Variants in DPP10 observed in about 807,000 individuals in gnomAD.
DPP10 encodes dipeptidyl peptidase like 10.
A neutral mutation model predicts 120.9 loss-of-function variants in DPP10; 33 were observed. The observed-to-expected ratio is 0.27, with a 90% confidence interval of 0.21 to 0.37. The LOEUF (loss-of-function observed/expected upper bound fraction) is 0.37. DPP10 is among the 10% of genes least tolerant of loss of function. The pLI, the probability that DPP10 is intolerant of heterozygous loss-of-function variation, is 1.00. For synonymous variants in DPP10, 337 were observed against 326.1 expected, an observed-to-expected ratio of 1.03 and a Z score of -0.36; for missense variants, 816 against 942.8, an observed-to-expected ratio of 0.87 and a Z score of 1.76.
intron 1 of DPP10, among the ~76,000 whole-genome samples, chr2:114,473,808 C>T (rs527572653): frequency 6.6e-6 from 1 of 152,186 alleles, no homozygotes; most frequent in South Asian, 2.1e-4. Context: ...GTAATGTAAA[C>T]ACTGACATTT....
At chr2:115,834,184 T>A (rs989196642) in intron 21 of DPP10, among the ~76,000 whole-genome samples, 3 of 152,206 alleles carry the variant, frequency 2.0e-5, no homozygotes, top group African/African-American at 7.2e-5. Context: ...CATTCAGTAA[T>A]GAATGACTGC....
chr2:114,836,288 C>A (rs1483528515), intron 1 of DPP10, among the ~76,000 whole-genome samples: 1 of 152,118 alleles, frequency 6.6e-6, no homozygotes. Context: ...AGATATCGGG[C>A]AAAATTCACC....
intron 1 of DPP10, among the ~76,000 whole-genome samples, chr2:115,199,760 T>C (rs2105286818): frequency 6.6e-6 from 1 of 152,322 alleles, no homozygotes; most frequent in South Asian, 2.1e-4. Flanking sequence ...GTATTATGAT[T>C]TGCTTTTTCT....
intron 5 of DPP10, among the ~76,000 whole-genome samples, chr2:115,567,587 T>G (rs949911413): frequency 1.3e-5 from 2 of 151,960 alleles, no homozygotes; most frequent in African/African-American, 4.8e-5. Flanking sequence ...AATAGGCAAG[T>G]GTACTCAACC....
chr2:114,522,252 G>A (rs1685132822), intron 1 of DPP10, among the ~76,000 whole-genome samples: 2 of 151,988 alleles, frequency 1.3e-5, no homozygotes, highest in Middle Eastern at 6.8e-3. Context: ...CCAAAGTGCT[G>A]GGATTACAGG....
chr2:115,554,334 A>G (rs2080076144), intron 5 of DPP10, among the ~76,000 whole-genome samples: 1 of 151,804 alleles, frequency 6.6e-6, no homozygotes, highest in South Asian at 2.1e-4. Context: ...TTTTAGTTCC[A>G]TTGTCACTGT....
intron 1 of DPP10, among the ~76,000 whole-genome samples, chr2:115,259,364 A>T (rs2059147266): frequency 6.6e-6 from 1 of 152,058 alleles, no homozygotes; most frequent in African/African-American, 2.4e-5. Context: ...CATGCCCGTA[A>T]TCCCAGCTAC....
chr2:115,700,082 G>A (rs1380764273), intron 7 of DPP10, among the ~76,000 whole-genome samples: 1 of 152,150 alleles, frequency 6.6e-6, no homozygotes, highest in Non-Finnish European at 1.5e-5. Flanking sequence ...CTAGAGCAGA[G>A]GAAGGGGGTG....
intron 1 of DPP10, among the ~76,000 whole-genome samples, chr2:114,854,238 G>C (rs886426967): frequency 1.3e-5 from 2 of 152,232 alleles, no homozygotes; most frequent in Admixed American, 6.5e-5. Flanking sequence ...TATTTGTAAA[G>C]CATTAGAAAA....
chr2:114,527,198 C>A (rs2104704107), intron 1 of DPP10, among the ~76,000 whole-genome samples: 1 of 152,240 alleles, frequency 6.6e-6, no homozygotes, highest in South Asian at 2.1e-4. Context: ...TTGTGACTAG[C>A]TTTGTGTTAA....
At position 114,460,151 on chromosome 2, in the gene DPP10, C is replaced by T. The variant is rs373095423; in HGVS notation, c.60+17313C>T. On this transcript the variant is annotated intron_variant, in intron 1 of 25. Transcript: ENST00000410059. Reference sequence around the variant, plus strand: ...CTTTCTGAAAATCATTCCATAGCAACCGAATGCATTTGGGATGATATCTAT... The same window carrying T: ...CTTTCTGAAAATCATTCCATAGCAATCGAATGCATTTGGGATGATATCTAT... Among the ~76,000 whole-genome samples, 5 of 151,444 alleles carry T rather than the reference C, an allele frequency of 3.3e-5. No homozygotes were observed. In the East Asian group the frequency reaches 9.7e-4, roughly 29 times the overall value.
At chr2:115,090,870 T>A (rs915064910) in intron 1 of DPP10, among the ~76,000 whole-genome samples, 4 of 152,130 alleles carry the variant, frequency 2.6e-5, no homozygotes, top group African/African-American at 7.2e-5. Flanking sequence ...AGGGCTGGCA[T>A]GTCTCTGGTC....
chr2:114,741,013 GA>G (rs756398643), intron 1 of DPP10, among the ~76,000 whole-genome samples: 52 of 152,148 alleles, frequency 3.4e-4, no homozygotes, highest in African/African-American at 1.1e-3. Flanking sequence ...GGGATATGTG[GA>G]TAACAGGTAC....
intron 1 of DPP10, among the ~76,000 whole-genome samples, chr2:114,740,692 C>G (rs2105985173): frequency 6.6e-6 from 1 of 152,158 alleles, no homozygotes; most frequent in East Asian, 1.9e-4. Flanking sequence ...TGCCTGCAAC[C>G]AACTAACCAG....
chr2:115,379,133 G>A (rs1221693460), intron 3 of DPP10, among the ~76,000 whole-genome samples: 2 of 152,186 alleles, frequency 1.3e-5, no homozygotes, highest in South Asian at 2.1e-4. Context: ...AATGGTACCA[G>A]TTCCTCCTTG....
At chr2:115,220,308 G>C (rs1456964937) in intron 1 of DPP10, among the ~76,000 whole-genome samples, 1 of 152,152 alleles carries the variant, frequency 6.6e-6, no homozygotes, top group Non-Finnish European at 1.5e-5. Context: ...GTCTTTATGA[G>C]TCAGTGTGAA....
intron 5 of DPP10, among the ~76,000 whole-genome samples, chr2:115,661,733 C>T (rs1355716920): frequency 6.6e-6 from 1 of 152,050 alleles, no homozygotes; most frequent in Non-Finnish European, 1.5e-5. Flanking sequence ...TTTTATTGTG[C>T]TATAATTGAC....
chr2:115,828,169 A>G (rs1373706237), intron 21 of DPP10, among the ~76,000 whole-genome samples: 2 of 151,798 alleles, frequency 1.3e-5, no homozygotes, highest in Non-Finnish European at 2.9e-5. Flanking sequence ...TTAGGTTGAC[A>G]TTTCTTATTC....
chr2:115,349,991 A>G (rs1011580304), intron 3 of DPP10, among the ~76,000 whole-genome samples: 2 of 152,078 alleles, frequency 1.3e-5, no homozygotes, highest in Non-Finnish European at 2.9e-5. Context: ...AACCAAACTG[A>G]TAGTTAAATA....
Sources: allele counts gnomAD v4.1 joint callset (sites outside exome capture counted in the v4.1 genomes callset), GRCh38; gene constraint gnomAD v4.1.1; transcripts MANE v1.5; gene names NCBI Gene and HGNC (gene_info 2026-07-23, HGNC 2026-07-21).